GMPS: variants seen among roughly 807,000 people sequenced by gnomAD.
GMPS encodes GMP synthase [glutamine-hydrolyzing].
GMPS carries 15 observed loss-of-function variants against 77.9 expected under a neutral mutation model. The ratio of observed to expected loss-of-function variants is 0.19; its 90% CI spans 0.13 to 0.30. The LOEUF is 0.30. Ranked by LOEUF, GMPS falls within the 10% of genes least tolerant of loss-of-function variation. The probability of loss-of-function intolerance (pLI) is 1.00; values close to 1 mark genes in which losing one functional copy is unlikely to be tolerated. For missense variants in GMPS, 590 were observed against 838.8 expected (o/e 0.70, Z 3.66); for synonymous variants, 224 against 275.9 (o/e 0.81, Z 1.86).
In GMPS at chr3:155,938,401, T is replaced by A. The variant is rs1427457937; in HGVS notation, c.*709T>A. On this transcript the variant is annotated 3_prime_UTR_variant, in exon 16 of 16. Transcript: ENST00000496455. ...GATGCCATGTTATTCAATGTCAGCT[T>A]GTTTATTAGTAAGGAGCTTTATCCT... is the stretch of plus-strand genomic sequence containing the variant. 4.7e-6 allele frequency: 1 copy of A among 214,484 alleles called. No homozygotes were observed. Among genetic ancestry groups the A allele is most frequent in the East Asian group, 6.9e-5 (1 of 14,472 alleles). The allele number at this position is 214,484 out of a possible 1,614,324, so 13.3% of individuals were successfully genotyped here.
chr3:155,872,785 G>C (rs1753935814), intron 1 of GMPS, among the ~76,000 whole-genome samples: 1 of 152,082 alleles, frequency 6.6e-6, no homozygotes, highest in African/African-American at 2.4e-5. Context: ...TTAACAATTA[G>C]TTGTGGACTG....
At chr3:155,883,633 G>A (rs367580243) in intron 1 of GMPS, among the ~76,000 whole-genome samples, 2 of 151,980 alleles carry the variant, frequency 1.3e-5, no homozygotes, top group Admixed American at 1.3e-4. Context: ...TCATTTCTTC[G>A]CTTCTTTGCA....
intron 1 of GMPS, among the ~76,000 whole-genome samples, chr3:155,886,566 C>A: frequency 9.5e-6 from 1 of 105,774 alleles, no homozygotes; most frequent in South Asian, 4.3e-4. Context: ...AAGAGTCCAT[C>A]TCAAAAAAAA....
At chr3:155,919,399 C>A (rs1036790955) in intron 10 of GMPS, 61 bp downstream of exon 10, 29 of 743,128 alleles carry the variant, frequency 3.9e-5, no homozygotes, top group Non-Finnish European at 5.6e-5. Context: ...GAAGAAAAAT[C>A]AATTCAGACA....
At chr3:155,910,627 G>A (rs1444736326) in intron 5 of GMPS, 65 bp from the exon 6 acceptor site, 2 of 646,472 alleles carry the variant, frequency 3.1e-6, no homozygotes, top group African/African-American at 1.9e-5. Context: ...GAAATTAATT[G>A]TGGTTATTGC....
chr3:155,911,565 G>A (rs886595636), intron 7 of GMPS, among the ~76,000 whole-genome samples: 8 of 152,122 alleles, frequency 5.3e-5, no homozygotes, highest in African/African-American at 1.7e-4. Flanking sequence ...GGCCAGGCGC[G>A]GTGGCTCACG....
intron 3 of GMPS, among the ~76,000 whole-genome samples, chr3:155,899,432 C>CTTT (rs59464061): frequency 0.012 from 1,728 of 143,612 alleles, 46 homozygotes; most frequent in African/African-American, 0.042. Flanking sequence ...CTCTTCTTTT[C>CTTT]TTTTTTTTTT....
intron 1 of GMPS, among the ~76,000 whole-genome samples, chr3:155,872,151 C>T (rs895295797): frequency 6.6e-6 from 1 of 152,184 alleles, no homozygotes; most frequent in Non-Finnish European, 1.5e-5. Flanking sequence ...AGAATTTTAA[C>T]ATTCTTTTTA....
intron 1 of GMPS, among the ~76,000 whole-genome samples, chr3:155,876,933 G>A (rs998505645): frequency 2.6e-5 from 4 of 152,208 alleles, no homozygotes; most frequent in African/African-American, 9.7e-5. Context: ...TGCAAGGGAT[G>A]TTTCCCAAAC....
intron 13 of GMPS, among the ~76,000 whole-genome samples, chr3:155,932,559 A>G (rs1164590647): frequency 1.3e-5 from 2 of 152,192 alleles, no homozygotes; most frequent in African/African-American, 4.8e-5. Context: ...TCATCGTACC[A>G]TATATAGTTC....
In GMPS at chr3:155,937,832, C is replaced by A. The variant is rs1755797844; in HGVS notation, c.*140C>A. ...AGTTCTCCACAGCAAAAATCTACGG[C>A]TTAAGAGCTGAGTTGGGGATAACCA... is the stretch of plus-strand genomic sequence containing the variant. On this transcript the variant is annotated 3_prime_UTR_variant, in exon 16 of 16. Transcript: ENST00000496455. 1.7e-6 allele frequency: 1 copy of A among 589,602 alleles called. No homozygotes were observed. The highest frequency in any genetic ancestry group is 1.9e-5 in the African/African-American group (1 of 53,722). The allele number at this position is 589,602 out of a possible 1,614,324, so 36.5% of individuals were successfully genotyped here. A position where few individuals can be genotyped will look rare whatever the true frequency, so the allele number is the denominator to read the frequency against.
rs1197985556 is a variant in GMPS at position 155,940,749 on chromosome 3, T to G, written c.*3057T>G. On this transcript the variant is annotated 3_prime_UTR_variant, in exon 16 of 16. Coordinates refer to ENST00000496455, the MANE Select transcript of GMPS (RefSeq NM_003875.3). ...GGAGAAGCTGGATAGTGTTTTTTTT[T>G]TTTTTTTTTAAGGTTCTTTTATCAT... The G allele has an allele frequency of 1.1e-4, 25 of 222,646 alleles. No homozygotes were observed. The highest frequency in any genetic ancestry group is 1.6e-4 in the Non-Finnish European group (18 of 111,708). 13.8% of individuals were successfully genotyped at this position (222,646 alleles called of 1,614,324 possible).
At chr3:155,897,220 A>G (rs982535104) in intron 2 of GMPS, among the ~76,000 whole-genome samples, 1 of 150,956 alleles carries the variant, frequency 6.6e-6, no homozygotes, top group African/African-American at 2.4e-5. Flanking sequence ...GTGTAGATGT[A>G]TTAGTGGCCA....
intron 5 of GMPS, among the ~76,000 whole-genome samples, chr3:155,908,391 G>T (rs570444768): frequency 6.6e-6 from 1 of 152,352 alleles, no homozygotes; most frequent in South Asian, 2.1e-4. Flanking sequence ...ACTTTGCTGA[G>T]AGTTTTTTTC....
At chr3:155,936,175 T>C (rs1755760842) in intron 14 of GMPS, among the ~76,000 whole-genome samples, 163 bp from the exon 15 acceptor site, 1 of 152,242 alleles carries the variant, frequency 6.6e-6, no homozygotes, top group Non-Finnish European at 1.5e-5. Context: ...ATTAAGTCCA[T>C]TTAAAATGCT....
chr3:155,933,622 T>A (rs12496896), intron 13 of GMPS, among the ~76,000 whole-genome samples: 14 of 152,214 alleles, frequency 9.2e-5, no homozygotes, highest in African/African-American at 3.4e-4. Context: ...TGTGCTAATA[T>A]GGTTTTCTAT....
rs376211713 is a variant in GMPS at position 155,914,764 on chromosome 3, G to GT, written c.1038+204dup. ...TTTTATGTTTTTTTGTTGTTGTTTG[G>GT]TTTTTTTTTTGTTTTTTTGAGACAG... On this transcript the variant is annotated intron_variant, in intron 8 of 15. Transcript: ENST00000496455. Among the ~76,000 whole-genome samples, 510 of 146,894 alleles carry GT rather than the reference G, an allele frequency of 3.5e-3. 5 individuals are homozygous for GT. Among genetic ancestry groups the GT allele is most frequent in the South Asian group, 0.032 (147 of 4,634 alleles).
rs186169824 is a variant in GMPS, at chr3:155,910,796, G to A, written c.631G>A (p.Ala211Thr). Residue 211 changes from alanine to threonine, a missense_variant, in exon 6 of 16, where the codon GCT becomes ACT. Physicochemically the swap from Ala to Thr is moderately conservative, Grantham distance 58. Transcript: ENST00000496455. ...VILKNFLYDI[A>T]GCSGTFTVQN... ...ACTGAAGAATTTCCTTTATGATATAGCTGGATGCAGTGGAACCTTCACCGT... is the reference window on the plus strand; with the variant it reads ...ACTGAAGAATTTCCTTTATGATATAACTGGATGCAGTGGAACCTTCACCGT... 1 of 1,612,038 alleles carries A rather than the reference G, an allele frequency of 6.2e-7. No individual in the cohort carries two copies. The highest frequency in any genetic ancestry group is 1.3e-5 in the African/African-American group (1 of 74,990).
rs369687989 is a variant in GMPS, at chr3:155,935,031, A to G, written c.1792A>G (p.Ile598Val). The change falls in exon 14 of 16, where the codon ATT (isoleucine) becomes GTT (valine). Residue 598 changes from isoleucine to valine, a missense_variant. Physicochemically the swap from Ile to Val is conservative, Grantham distance 29 (BLOSUM62 3). Coordinates refer to ENST00000496455, the MANE Select transcript of GMPS (RefSeq NM_003875.3). ...LRQADFEAHNILRESGYAGKI... is the reference protein window; with the variant it reads ...LRQADFEAHNVLRESGYAGKI... ...CCAAGCTGATTTTGAGGCCCATAAC[A>G]TTCTCAGGGAGTCTGGTAAGTTGCT... 3.9e-5 allele frequency: 63 copies of G among 1,609,822 alleles called. No individual in the cohort carries two copies. In the East Asian group the frequency reaches 4.5e-4, roughly 11 times the overall value.
Sources: allele counts gnomAD v4.1 joint callset (sites outside exome capture counted in the v4.1 genomes callset), GRCh38; gene constraint gnomAD v4.1.1; transcripts MANE v1.5; gene names NCBI Gene and HGNC (gene_info 2026-07-23, HGNC 2026-07-21).